Variants in ANKRD29 observed in about 807,000 individuals in gnomAD.
ANKRD29 encodes the protein ankyrin repeat domain-containing protein 29.
ANKRD29 carries 32 observed loss-of-function variants against 38.0 expected under a neutral mutation model. The ratio of observed to expected loss-of-function variants is 0.84; its 90% CI spans 0.64 to 1.13. The LOEUF (loss-of-function observed/expected upper bound fraction) is 1.13. ANKRD29 is among the 50% of genes most tolerant of loss of function. The pLI is 0.00. For missense variants in ANKRD29, 357 were observed against 377.9 expected (o/e 0.94, Z 0.46); for synonymous variants, 135 against 152.4 (o/e 0.89, Z 0.84).
At position 23,600,113 on chromosome 18, in the gene ANKRD29, C is replaced by G. The variant is rs1161474246; in HGVS notation, c.*1113G>C. 3 of 152,424 alleles carry G rather than the reference C, an allele frequency of 2.0e-5. No individual in the cohort carries two copies. Among genetic ancestry groups the G allele is most frequent in the Non-Finnish European group, 4.4e-5 (3 of 68,028 alleles). 9.4% of individuals were successfully genotyped at this position (152,424 alleles called of 1,614,324 possible). ...AGGCACTGACTGAGGCATTTAGACA[C>G]CATTAATTATAAAGTGCATTGAATA... On this transcript the variant is annotated 3_prime_UTR_variant, in exon 10 of 10. Coordinates refer to ENST00000592179, the MANE Select transcript of ANKRD29 (RefSeq NM_173505.4).
Position 23,649,158 on chromosome 18 carries a change from T to C in ANKRD29, c.57A>G (p.Ala19=). 1 of 1,614,132 alleles carries C rather than the reference T, an allele frequency of 6.2e-7. No homozygotes were observed. The highest frequency in any genetic ancestry group is 1.1e-5 in the South Asian group (1 of 91,068). ...GCAGCGCCAGGTTTCCTCTCCTGGC[T>C]GCCCAGAATGCAGCATTGGCAAGTG... ...ETPLANAAFW[A]ARRGNLALLK... The change falls in exon 2 of 10, where the codon GCA becomes GCG. Residue 19 remains alanine, a synonymous_variant. Coordinates refer to ENST00000592179, the MANE Select transcript of ANKRD29 (RefSeq NM_173505.4).
chr18:23,604,723 G>T (rs1212484474), intron 9 of ANKRD29, among the ~76,000 whole-genome samples: 4 of 152,006 alleles, frequency 2.6e-5, no homozygotes, highest in Admixed American at 6.6e-5. Context: ...TAGAGATGGG[G>T]TTTCACCATG....
chr18:23,629,805 C>T (rs754201492), intron 6 of ANKRD29, 48 bp downstream of exon 6: 3 of 1,536,130 alleles, frequency 2.0e-6, no homozygotes, highest in Non-Finnish European at 1.8e-6. Flanking sequence ...CCAGCCCTCC[C>T]TGCCCCATGC....
intron 5 of ANKRD29, 66 bp downstream of exon 5, chr18:23,633,985 C>A (rs1266515079): frequency 6.6e-7 from 1 of 1,520,376 alleles, no homozygotes; most frequent in African/African-American, 1.4e-5. Context: ...TTTCTGGCAT[C>A]TGAATTTAGA....
At chr18:23,616,893 T>C (rs903323614) in intron 8 of ANKRD29, among the ~76,000 whole-genome samples, 4 of 151,330 alleles carry the variant, frequency 2.6e-5, no homozygotes, top group African/African-American at 7.3e-5. Flanking sequence ...TCCTGATATA[T>C]AATATAGGTT....
intron 1 of ANKRD29, among the ~76,000 whole-genome samples, chr18:23,662,085 C>T (rs2060370132): frequency 6.6e-6 from 1 of 151,552 alleles, no homozygotes; most frequent in Non-Finnish European, 1.5e-5. Context: ...AGGGTTGAGA[C>T]CATACACACC....
intron 8 of ANKRD29, among the ~76,000 whole-genome samples, chr18:23,613,671 C>T (rs1375183464): frequency 1.4e-5 from 2 of 148,104 alleles, no homozygotes; most frequent in Admixed American, 1.4e-4. Context: ...GTGATCTCGG[C>T]TCACTGCAAG....
intron 8 of ANKRD29, among the ~76,000 whole-genome samples, chr18:23,614,139 C>T (rs1238825487): frequency 2.0e-5 from 3 of 151,904 alleles, no homozygotes; most frequent in East Asian, 1.9e-4. Flanking sequence ...GGCGTGATCT[C>T]GGCTCATTGC....
intron 2 of ANKRD29, among the ~76,000 whole-genome samples, chr18:23,648,224 C>T (rs1036540206): frequency 6.6e-6 from 1 of 152,148 alleles, no homozygotes; most frequent in Non-Finnish European, 1.5e-5. Context: ...GGACTAAGAG[C>T]GAGAAGGGTG....
intron 9 of ANKRD29, among the ~76,000 whole-genome samples, chr18:23,610,603 T>C (rs1415979914): frequency 1.3e-5 from 2 of 151,264 alleles, no homozygotes; most frequent in Non-Finnish European, 2.9e-5. Flanking sequence ...AAGACCAGCC[T>C]GGGCAACACA....
chr18:23,654,255 ACT>A (rs995216675), intron 1 of ANKRD29, among the ~76,000 whole-genome samples: 1 of 150,126 alleles, frequency 6.7e-6, no homozygotes, highest in Non-Finnish European at 1.5e-5. Flanking sequence ...ACAGAGCGAG[ACT>A]CTGTTTCCCC....
chr18:23,657,332 C>T (rs1057150178), intron 1 of ANKRD29, among the ~76,000 whole-genome samples: 2 of 152,296 alleles, frequency 1.3e-5, no homozygotes, highest in East Asian at 1.9e-4. Flanking sequence ...AATTCCACAG[C>T]GAATGGAGCC....
At chr18:23,606,187 C>T (rs1168013164) in intron 9 of ANKRD29, among the ~76,000 whole-genome samples, 3 of 152,228 alleles carry the variant, frequency 2.0e-5, no homozygotes, top group African/African-American at 4.8e-5. Flanking sequence ...ATGTAGCTCA[C>T]TGCAGCCTTG....
At chr18:23,604,703 G>C (rs1030062285) in intron 9 of ANKRD29, among the ~76,000 whole-genome samples, 61 of 151,956 alleles carry the variant, frequency 4.0e-4, no homozygotes, top group Admixed American at 1.9e-3. Flanking sequence ...GCTAATTTTT[G>C]TATTTGTAGT....
intron 1 of ANKRD29, among the ~76,000 whole-genome samples, chr18:23,651,569 T>C (rs1235738126): frequency 3.9e-5 from 6 of 152,224 alleles, no homozygotes; most frequent in African/African-American, 1.4e-4. Flanking sequence ...TGCTAGCTTT[T>C]CCTGAAAGGT....
At chr18:23,644,687 T>C (rs1234441154) in intron 3 of ANKRD29, among the ~76,000 whole-genome samples, 1 of 152,018 alleles carries the variant, frequency 6.6e-6, no homozygotes, top group Non-Finnish European at 1.5e-5. Flanking sequence ...CCCAGACGGG[T>C]GGTGGGAAGG....
Position 23,662,769 on chromosome 18 carries a change from C to A in ANKRD29, c.-39G>T. The A allele has an allele frequency of 6.9e-7, 1 of 1,447,590 alleles. No homozygotes were observed. Among genetic ancestry groups the A allele is most frequent in the Non-Finnish European group, 9.1e-7 (1 of 1,102,628 alleles). 89.7% of individuals were successfully genotyped at this position (1,447,590 alleles called of 1,614,324 possible). ...CGAGCGGGAGCCGGCGCGCTTTGGGCCCGGGGCGCCTTGTCCTCCCCGGCC... is the reference window on the plus strand; with the variant it reads ...CGAGCGGGAGCCGGCGCGCTTTGGGACCGGGGCGCCTTGTCCTCCCCGGCC... On this transcript the variant is annotated 5_prime_UTR_variant, in exon 1 of 10. Coordinates refer to ENST00000592179, the MANE Select transcript of ANKRD29 (RefSeq NM_173505.4).
chr18:23,610,687 G>A lies in ANKRD29; in HGVS notation c.822+1405C>T, dbSNP rs188610075. Among the ~76,000 whole-genome samples the A allele has an allele frequency of 2.7e-4, 41 of 152,230 alleles. No homozygotes were observed. In the East Asian group the frequency reaches 7.1e-3, roughly 26 times the overall value. ...AATAAATAAGTAAATAAAGGTTGTA[G>A]TTTAGTGCATTTTCTCTCTACTCCG... On this transcript the variant is annotated intron_variant, in intron 9 of 9. Transcript: ENST00000592179.
intron 3 of ANKRD29, among the ~76,000 whole-genome samples, chr18:23,642,031 T>C (rs2060084700): frequency 6.6e-6 from 1 of 152,102 alleles, no homozygotes; most frequent in Non-Finnish European, 1.5e-5. Context: ...CTTGTTAGGA[T>C]GACCTGCCTG....
Sources: allele counts gnomAD v4.1 joint callset (sites outside exome capture counted in the v4.1 genomes callset), GRCh38; gene constraint gnomAD v4.1.1; transcripts MANE v1.5; gene names NCBI Gene and HGNC (gene_info 2026-07-23, HGNC 2026-07-21).